The following HIP1 variants were observed in gnomAD, a reference collection of about 807,000 sequenced individuals.
The protein encoded by HIP1 is huntingtin-interacting protein 1.
In HIP1, 65 loss-of-function variants were observed where a neutral mutation model predicts 147.6. That is an observed-to-expected ratio of 0.44 (90% CI 0.36 to 0.54). The LOEUF is 0.54. Among genes scored for constraint, HIP1 ranks in the 20% least tolerant of loss-of-function variants. The pLI is 0.00. For missense variants in HIP1, 1,061 were observed against 1,299.6 expected, an observed-to-expected ratio of 0.82 and a Z score of 2.82; for synonymous variants, 479 against 504.0, an observed-to-expected ratio of 0.95 and a Z score of 0.67.
chr7:75,663,172 CA>C (rs1383454437), intron 1 of HIP1, among the ~76,000 whole-genome samples: 5 of 152,180 alleles, frequency 3.3e-5, no homozygotes, highest in African/African-American at 4.8e-5. Context: ...GGTGGTTTGG[CA>C]AGTTCTGTTT....
intron 30 of HIP1, among the ~76,000 whole-genome samples, chr7:75,538,643 C>T (rs963440918): frequency 2.0e-5 from 3 of 147,728 alleles, no homozygotes; most frequent in Non-Finnish European, 4.5e-5. Flanking sequence ...GGCGCGATCT[C>T]GGCTCACTGC....
chr7:75,689,233 C>T (rs1174578142), intron 1 of HIP1, among the ~76,000 whole-genome samples: 4 of 151,760 alleles, frequency 2.6e-5, no homozygotes, highest in Non-Finnish European at 4.4e-5. Flanking sequence ...AGGCCGGGCA[C>T]GGTGGCTCAC....
intron 18 of HIP1, 129 bp downstream of exon 18, chr7:75,555,897 T>A: frequency 8.9e-7 from 1 of 1,119,158 alleles, no homozygotes; most frequent in Non-Finnish European, 1.3e-6. Flanking sequence ...CTACAGAATG[T>A]CTGCACAATC....
chr7:75,538,125 G>C lies in HIP1; in HGVS notation c.*47C>G, dbSNP rs1257489740. ...GTGGCTGGGGAAATAACACACACGA[G>C]ATAGGTAACAAGGATTTACACTGAC... On this transcript the variant is annotated 3_prime_UTR_variant, in exon 31 of 31. Transcript: ENST00000336926. The C allele has an allele frequency of 6.7e-7, 1 of 1,488,736 alleles. No homozygotes were observed. The highest frequency in any genetic ancestry group is 9.4e-7 in the Non-Finnish European group (1 of 1,065,992). The allele number at this position is 1,488,736 out of a possible 1,614,324, so 92.2% of individuals were successfully genotyped here.
chr7:75,547,782 G>GT lies in HIP1; in HGVS notation c.2437dup (p.Thr813AsnfsTer9). ...TTCATTCACCTCCAATTTGACTCCT[G>GT]TGTCTCCTGCTCGGGATTTGCTGAG... On this transcript the variant is annotated frameshift_variant, in exon 24 of 31. Transcript: ENST00000336926. LOFTEE classifies it high-confidence loss of function. 6.2e-7 allele frequency: 1 copy of GT among 1,613,842 alleles called. No individual in the cohort carries two copies.
Position 75,548,970 on chromosome 7 carries a change from T to G in HIP1, c.2327A>C (p.Gln776Pro), listed in dbSNP as rs1554491572. ...GTCCACCAGGTCCCCCAGCTCCTCCTGCTTGATGTCCAGTCCCCTGGGCAG... is the reference window on the plus strand; with the variant it reads ...GTCCACCAGGTCCCCCAGCTCCTCCGGCTTGATGTCCAGTCCCCTGGGCAG... Reference protein sequence around the residue: ...ELLPRGLDIKQEELGDLVDKE... With the variant: ...ELLPRGLDIKPEELGDLVDKE... Residue 776 changes from glutamine (Q) to proline (P), a missense_variant, in exon 23 of 31, where the codon CAG becomes CCG. By Grantham distance (76) the Gln-to-Pro change is moderately conservative. This residue lies in a region of HIP1 where 810 missense variants were observed against 946.8 expected (regional missense o/e 0.86). Transcript: ENST00000336926. 1.1e-5 allele frequency: 17 copies of G among 1,614,058 alleles called. No homozygotes were observed. Among genetic ancestry groups the G allele is most frequent in the Non-Finnish European group, 1.4e-5 (17 of 1,179,932 alleles).
intron 1 of HIP1, among the ~76,000 whole-genome samples, chr7:75,633,680 G>A (rs587669563): frequency 6.6e-6 from 1 of 152,216 alleles, no homozygotes; most frequent in East Asian, 1.9e-4. Flanking sequence ...TGCTGGGCAG[G>A]TCACCCATCA....
At chr7:75,646,643 G>A (rs1157182263) in intron 1 of HIP1, among the ~76,000 whole-genome samples, 1 of 152,196 alleles carries the variant, frequency 6.6e-6, no homozygotes, top group Non-Finnish European at 1.5e-5. Flanking sequence ...CATATCCGTG[G>A]CCCCCTTTCC....
chr7:75,691,091 T>C (rs1800438014), intron 1 of HIP1, among the ~76,000 whole-genome samples: 1 of 152,158 alleles, frequency 6.6e-6, no homozygotes, highest in Non-Finnish European at 1.5e-5. Flanking sequence ...ATTACGGGAA[T>C]GGAGTTCTGA....
chr7:75,574,073 C>G (rs781983775), intron 7 of HIP1, among the ~76,000 whole-genome samples, 172 bp from the exon 8 acceptor site: 4 of 152,224 alleles, frequency 2.6e-5, no homozygotes, highest in Middle Eastern at 3.4e-3. Flanking sequence ...GTAAACGTAT[C>G]CCCATTAAAC....
At position 75,603,304 on chromosome 7, in the gene HIP1, C is replaced by T. The variant is rs587593641; in HGVS notation, c.121-4057G>A. On this transcript the variant is annotated intron_variant, in intron 1 of 30. Transcript: ENST00000336926. ...TTGAGAGTGCAGTAAGCAGTAATCACGCCACTGCACTCCAGCCTGGGTGAC... is the reference window on the plus strand; with the variant it reads ...TTGAGAGTGCAGTAAGCAGTAATCATGCCACTGCACTCCAGCCTGGGTGAC... Among the ~76,000 whole-genome samples, 7 of 149,790 alleles carry T rather than the reference C, an allele frequency of 4.7e-5. No individual in the cohort carries two copies. In the South Asian group the frequency reaches 8.5e-4, roughly 18 times the overall value.
intron 1 of HIP1, among the ~76,000 whole-genome samples, chr7:75,659,103 C>T (rs1799225827): frequency 6.6e-6 from 1 of 152,186 alleles, no homozygotes; most frequent in African/African-American, 2.4e-5. Context: ...TTTGTCTCGT[C>T]CTACTTCTGG....
At chr7:75,712,267 T>C (rs1801184333) in intron 1 of HIP1, among the ~76,000 whole-genome samples, 1 of 152,174 alleles carries the variant, frequency 6.6e-6, no homozygotes, top group African/African-American at 2.4e-5. Flanking sequence ...GCCGGGAAGC[T>C]ATATTTAGCT....
intron 2 of HIP1, among the ~76,000 whole-genome samples, chr7:75,597,102 C>T (rs1796775773): frequency 6.6e-6 from 1 of 152,164 alleles, no homozygotes; most frequent in Admixed American, 6.6e-5. Flanking sequence ...ACCAAGGGGC[C>T]TGTGTCTTTC....
At chr7:75,680,105 C>T (rs1322353527) in intron 1 of HIP1, among the ~76,000 whole-genome samples, 2 of 152,170 alleles carry the variant, frequency 1.3e-5, no homozygotes, top group East Asian at 1.9e-4. Context: ...TGCAGTGGCA[C>T]GATCTCAGCT....
At chr7:75,677,227 AAAT>A (rs1799925292) in intron 1 of HIP1, among the ~76,000 whole-genome samples, 1 of 151,838 alleles carries the variant, frequency 6.6e-6, no homozygotes, top group African/African-American at 2.4e-5. Flanking sequence ...AATAAAAATA[AAAT>A]AATAAAGTAA....
intron 11 of HIP1, 87 bp from the exon 12 acceptor site, chr7:75,562,257 C>T: frequency 5.8e-6 from 5 of 868,802 alleles, no homozygotes; most frequent in Non-Finnish European, 9.7e-6. Context: ...GGAGAATGCC[C>T]CCTTTCTCGA....
chr7:75,582,738 C>T (rs782131200), intron 5 of HIP1, among the ~76,000 whole-genome samples: 5 of 152,008 alleles, frequency 3.3e-5, no homozygotes, highest in African/African-American at 4.8e-5. Flanking sequence ...CGCTGGGAGG[C>T]GGAGGTTGCA....
intron 1 of HIP1, among the ~76,000 whole-genome samples, chr7:75,715,774 CAAAAA>C (rs34769081): frequency 5.4e-5 from 2 of 36,718 alleles, no homozygotes; most frequent in Non-Finnish European, 9.2e-5. Context: ...GATCCTGTCT[CAAAAA>C]AAAAAAAAAA....
Sources: allele counts gnomAD v4.1 joint callset (sites outside exome capture counted in the v4.1 genomes callset), GRCh38; gene constraint gnomAD v4.1.1; regional missense constraint gnomAD v4.1.1; transcripts MANE v1.5; gene names NCBI Gene and HGNC (gene_info 2026-07-23, HGNC 2026-07-21).